The following DSE variants were observed in gnomAD, a reference collection of about 807,000 sequenced individuals.
The protein encoded by DSE is dermatan-sulfate epimerase.
A neutral mutation model predicts 84.4 loss-of-function variants in DSE; 36 were observed. That is an observed-to-expected ratio of 0.43 (90% CI 0.33 to 0.56). DSE has a LOEUF of 0.56. Ranked by LOEUF, DSE falls within the 20% of genes least tolerant of loss-of-function variation. DSE has a pLI of 0.06. For synonymous variants in DSE, 410 were observed against 430.1 expected (o/e 0.95, Z 0.58); for missense variants, 862 against 1,169.6 (o/e 0.74, Z 3.84).
intron 2 of DSE, among the ~76,000 whole-genome samples, chr6:116,311,216 G>GT (rs928682469): frequency 3.3e-5 from 5 of 151,894 alleles, no homozygotes; most frequent in South Asian, 2.1e-4. Flanking sequence ...TCCTTCTTTA[G>GT]TTTTTTTTAC....
chr6:116,258,824 C>T (rs1186710385), exon 2 of DSE: 4 of 1,608,200 alleles, frequency 2.5e-6, no homozygotes, highest in African/African-American at 1.3e-5. Flanking sequence ...TGTATGACCT[C>T]GAAGGCATGC....
chr6:116,390,143 C>CTGCAA (rs1391769337), intron 1 of DSE, among the ~76,000 whole-genome samples: 2 of 151,954 alleles, frequency 1.3e-5, no homozygotes, highest in African/African-American at 4.8e-5. Context: ...TCTTGGCTCA[C>CTGCAA]TGCAACTTCT....
chr6:116,377,954 G>C (rs1780021997), intron 1 of DSE, among the ~76,000 whole-genome samples: 1 of 152,102 alleles, frequency 6.6e-6, no homozygotes, highest in Admixed American at 6.5e-5. Flanking sequence ...TTTGCAGTTT[G>C]ATGATATCAT....
At chr6:116,259,010 G>T in intron 2 of DSE, 1 of 1,503,146 alleles carries the variant, frequency 6.7e-7, no homozygotes, top group Non-Finnish European at 9.2e-7. Flanking sequence ...ATGTAATCCT[G>T]CAGGGAAATG....
intron 2 of DSE, among the ~76,000 whole-genome samples, chr6:116,409,347 G>C (rs1015266829): frequency 5.3e-5 from 8 of 152,012 alleles, no homozygotes; most frequent in African/African-American, 1.9e-4. Context: ...TGTGATCTTG[G>C]CTCACTGCAA....
intron 1 of DSE, among the ~76,000 whole-genome samples, chr6:116,392,503 G>C (rs1239832073): frequency 2.0e-5 from 3 of 152,176 alleles, no homozygotes; most frequent in Non-Finnish European, 4.4e-5. Context: ...TGGAGCAGCT[G>C]CTCTTAGGCT....
chr6:116,282,516 T>G (rs564555766), intron 2 of DSE, among the ~76,000 whole-genome samples: 1 of 152,356 alleles, frequency 6.6e-6, no homozygotes, highest in South Asian at 2.1e-4. Context: ...ATCAGGACTC[T>G]GCTGAATGTA....
At chr6:116,331,827 C>T (rs770687129) in intron 2 of DSE, among the ~76,000 whole-genome samples, 6 of 152,066 alleles carry the variant, frequency 3.9e-5, no homozygotes, top group Non-Finnish European at 7.4e-5. Context: ...CATGGTGGCA[C>T]GCACCTGTAG....
chr6:116,433,820 A>G (rs1208567376), intron 5 of DSE, among the ~76,000 whole-genome samples: 2 of 152,204 alleles, frequency 1.3e-5, no homozygotes, highest in Non-Finnish European at 2.9e-5. Flanking sequence ...CCTAATAGGT[A>G]GTGTTAGAAA....
chr6:116,419,271 C>G (rs1039798015), intron 2 of DSE, among the ~76,000 whole-genome samples: 3 of 152,168 alleles, frequency 2.0e-5, no homozygotes, highest in Admixed American at 1.3e-4. Context: ...TATAGGAATT[C>G]CATACCAAAT....
intron 2 of DSE, among the ~76,000 whole-genome samples, chr6:116,358,403 A>G (rs56819489): frequency 8.7e-4 from 133 of 152,318 alleles, no homozygotes; most frequent in African/African-American, 3.1e-3. Context: ...AGCTTTGTTG[A>G]GGGGAAGAGT....
chr6:116,279,272 C>T, intron 2 of DSE: 1 of 1,600,260 alleles, frequency 6.2e-7, no homozygotes, highest in Middle Eastern at 1.7e-4. Context: ...ATCTGCTCCT[C>T]CATTACCTCC....
rs578072350 is a variant in DSE, at chr6:116,264,570, G to A, written c.-54+5603G>A. On this transcript the variant is annotated intron_variant, in intron 2 of 3. Coordinates refer to the DSE transcript ENST00000430252. ...CTTCATTCCTATCCATATTCTGAAT[G>A]TCATTTAAGCCATCTCAGCCCAGTT... Among the ~76,000 whole-genome samples, 5 of 152,154 alleles carry A rather than the reference G, an allele frequency of 3.3e-5. No individual in the cohort carries two copies. In the South Asian group the frequency reaches 1.0e-3, roughly 32 times the overall value.
chr6:116,412,442 C>T (rs571091728), intron 2 of DSE: 11 of 152,414 alleles, frequency 7.2e-5, no homozygotes. Flanking sequence ...TGTCTTAGTC[C>T]TGGCTCCAGA....
intron 2 of DSE, among the ~76,000 whole-genome samples, chr6:116,274,680 A>C (rs1207242765): frequency 6.6e-6 from 1 of 152,230 alleles, no homozygotes. Flanking sequence ...ATTTGGCATC[A>C]AAATCTACCC....
At chr6:116,305,814 G>A (rs911955320) in intron 2 of DSE, among the ~76,000 whole-genome samples, 7 of 152,180 alleles carry the variant, frequency 4.6e-5, no homozygotes, top group Non-Finnish European at 8.8e-5. Flanking sequence ...GCTAATTTTT[G>A]TATTTTTAGT....
At chr6:116,255,582 T>G (rs1375194802) in intron 1 of DSE, 3 of 152,268 alleles carry the variant, frequency 2.0e-5, no homozygotes, top group Admixed American at 2.0e-4. Flanking sequence ...CTCTTTGTCT[T>G]AATAAACGCT....
At chr6:116,280,142 C>G (rs543384203) in intron 2 of DSE, 1 of 450,202 alleles carries the variant, frequency 2.2e-6, no homozygotes, top group African/African-American at 2.0e-5. Flanking sequence ...CCTTGAGATG[C>G]ATCTAGCGAC....
At chr6:116,273,066 C>T (rs1381669458) in intron 2 of DSE, among the ~76,000 whole-genome samples, 17 of 152,156 alleles carry the variant, frequency 1.1e-4, no homozygotes, top group Admixed American at 1.1e-3. Flanking sequence ...ATCATCCCTA[C>T]ATTATGGATA....
Sources: gnomAD v4.1 joint callset for allele counts (sites outside exome capture counted in the v4.1 genomes callset) on GRCh38, gnomAD v4.1.1 for gene constraint, MANE v1.5 for transcripts, NCBI Gene and HGNC (gene_info 2026-07-23, HGNC 2026-07-21) for gene names.